The following IQSEC3 variants were observed in gnomAD, a reference collection of about 807,000 sequenced individuals.
IQSEC3 encodes IQ motif and Sec7 domain ArfGEF 3, also known as IQ motif and SEC7 domain-containing protein 3.
Under a neutral mutation model 105.4 loss-of-function variants are expected in IQSEC3, and 50 were observed. That is an observed-to-expected ratio of 0.47 (90% CI 0.38 to 0.60). IQSEC3 has a LOEUF of 0.60. Among genes scored for constraint, IQSEC3 ranks in the 20% least tolerant of loss-of-function variants. The pLI is 0.00. For missense variants in IQSEC3, 1,415 were observed against 1,630.0 expected, an observed-to-expected ratio of 0.87 and a Z score of 2.27; for synonymous variants, 708 against 746.0, an observed-to-expected ratio of 0.95 and a Z score of 0.83.
chr12:166,026 C>A, intron 11 of IQSEC3, 136 bp downstream of exon 11: 2 of 878,850 alleles, frequency 2.3e-6, no homozygotes, highest in Non-Finnish European at 3.4e-6. Flanking sequence ...CCCCACCGCA[C>A]CACACTCCCA....
In IQSEC3 at chr12:178,112, C is replaced by G. The variant is rs1341525336; in HGVS notation, c.*3079C>G. 1 of 152,288 alleles carries G rather than the reference C, an allele frequency of 6.6e-6. No homozygotes were observed. Among genetic ancestry groups the G allele is most frequent in the Admixed American group, 6.5e-5 (1 of 15,282 alleles). The allele number at this position is 152,288 out of a possible 1,614,324, so 9.4% of individuals were successfully genotyped here. The stretch of plus-strand genomic sequence containing the variant: ...ACCAGCAGCGTGTCCTGGAAGCCTG[C>G]CTGCCTGCCTGCCCGTCTGCACAGG... On this transcript the variant is annotated 3_prime_UTR_variant, in exon 14 of 14. Coordinates refer to ENST00000538872, the MANE Select transcript of IQSEC3 (RefSeq NM_001170738.2).
At chr12:169,135 TC>T in intron 12 of IQSEC3, 30 bp downstream of exon 12, 1 of 1,598,040 alleles carries the variant, frequency 6.3e-7, no homozygotes. Context: ...AGGGCACCAG[TC>T]CCCATGGAGG....
intron 2 of IQSEC3, among the ~76,000 whole-genome samples, chr12:103,475 AGGAGGGGAGGCGGGGCTCGG>A (rs1864498655): frequency 2.4e-4 from 1 of 4,146 alleles, no homozygotes; most frequent in Non-Finnish European, 4.3e-4. Flanking sequence ...GGCGGGGCTC[AGGAGGGGAGGCGGGGCTCGG>A]GGGGTAGGTG....
rs1468593125 is a variant in IQSEC3, at chr12:99,182, C to T, written c.591C>T (p.Ala197=). The T allele has an allele frequency of 3.8e-6, 6 of 1,598,920 alleles. No individual in the cohort carries two copies. Among genetic ancestry groups the T allele is most frequent in the South Asian group, 1.1e-5 (1 of 90,970 alleles). The change falls in exon 2 of 14, where the codon GCC becomes GCT. Residue 197 remains alanine (A), a synonymous_variant. Transcript: ENST00000538872. ...ETVLHQFCCP[A]ADACSDLASQ... ...TGCTGCACCAGTTCTGCTGCCCAGC[C>T]GCCGACGCCTGCTCCGACCTGGCCT...
At chr12:142,799 C>A (rs554020063) in intron 5 of IQSEC3, among the ~76,000 whole-genome samples, 1 of 152,206 alleles carries the variant, frequency 6.6e-6, no homozygotes, top group African/African-American at 2.4e-5. Context: ...ATGGCATTTC[C>A]TCACGCCCTT....
At chr12:145,362 C>T (rs1390081380) in intron 5 of IQSEC3, among the ~76,000 whole-genome samples, 1 of 152,182 alleles carries the variant, frequency 6.6e-6, no homozygotes, top group Admixed American at 6.5e-5. Flanking sequence ...GCAACTTGAA[C>T]TCCCGGGCCC....
intron 3 of IQSEC3, among the ~76,000 whole-genome samples, chr12:135,154 A>G (rs1555086028): frequency 6.6e-6 from 1 of 152,198 alleles, no homozygotes; most frequent in Non-Finnish European, 1.5e-5. Context: ...GAAATGTGAA[A>G]TCTGTCAGTT....
chr12:159,275 C>G (rs914855972), intron 7 of IQSEC3, among the ~76,000 whole-genome samples: 3 of 152,184 alleles, frequency 2.0e-5, no homozygotes, highest in Non-Finnish European at 4.4e-5. Context: ...GGAGGTGGTG[C>G]GGGAGAGTCA....
At chr12:92,436 G>A (rs1555073725) in intron 1 of IQSEC3, among the ~76,000 whole-genome samples, 2 of 151,550 alleles carry the variant, frequency 1.3e-5, no homozygotes, top group African/African-American at 4.9e-5. Flanking sequence ...GTGTGTCACA[G>A]GGGCTCTGAG....
intron 3 of IQSEC3, 62 bp downstream of exon 3, chr12:125,974 CGA>C (rs1486896466): frequency 1.5e-5 from 22 of 1,470,904 alleles, no homozygotes; most frequent in Admixed American, 2.1e-5. Context: ...TGGGGGCTGT[CGA>C]GGGTACCAGG....
intron 1 of IQSEC3, among the ~76,000 whole-genome samples, chr12:85,978 A>G (rs1555071987): frequency 6.6e-6 from 1 of 152,082 alleles, no homozygotes; most frequent in Non-Finnish European, 1.5e-5. Context: ...CAGTCAACAA[A>G]CCATTTCTGC....
intron 1 of IQSEC3, among the ~76,000 whole-genome samples, chr12:84,511 T>C (rs1487185064): frequency 6.6e-6 from 1 of 152,220 alleles, no homozygotes; most frequent in Non-Finnish European, 1.5e-5. Context: ...TGTGCACACA[T>C]GTGCAGGATG....
intron 1 of IQSEC3, among the ~76,000 whole-genome samples, chr12:77,996 G>A (rs1160965182): frequency 2.0e-5 from 3 of 151,416 alleles, no homozygotes; most frequent in Non-Finnish European, 3.0e-5. Flanking sequence ...GGGGGCGGCG[G>A]CGAGGACCTG....
chr12:143,704 T>C (rs1365992362), intron 5 of IQSEC3: 3 of 168,958 alleles, frequency 1.8e-5, no homozygotes, highest in Admixed American at 6.5e-5. Context: ...GTGCCAGGGT[T>C]CATGCAGGGC....
rs1466581216 is a variant in IQSEC3, at chr12:163,593, G to C, written c.2683G>C (p.Val895Leu). 2.6e-6 allele frequency: 4 copies of C among 1,563,842 alleles called. No homozygotes were observed. The highest frequency in any genetic ancestry group is 2.2e-5 in the East Asian group (1 of 44,628). ...LQKQAAHQRE[V>L]FLFNDLLVIL... ...GAAGCAGGCAGCGCATCAGAGGGAG[G>C]TGTTCCTCTTCAATGACCTGCTGGT... Residue 895 changes from valine to leucine, a missense_variant, in exon 9 of 14, where the codon GTG becomes CTG. Physicochemically the swap from Val to Leu is conservative, Grantham distance 32. Transcript: ENST00000538872.
At chr12:157,193 G>C (rs782053715) in intron 6 of IQSEC3, 46 bp downstream of exon 6, 6 of 1,486,284 alleles carry the variant, frequency 4.0e-6, no homozygotes, top group East Asian at 2.5e-5. Flanking sequence ...CCCAGCGTGG[G>C]GAAGCCGGGC....
At chr12:140,974 C>T in intron 4 of IQSEC3, 150 bp from the exon 5 acceptor site, 1 of 733,206 alleles carries the variant, frequency 1.4e-6, no homozygotes, top group Non-Finnish European at 2.3e-6. Flanking sequence ...TGAGGACATT[C>T]AGTGGGTTGA....
chr12:111,076 G>T (rs1353575401), intron 2 of IQSEC3, among the ~76,000 whole-genome samples: 1 of 152,190 alleles, frequency 6.6e-6, no homozygotes, highest in Admixed American at 6.5e-5. Context: ...GTATGGGGGG[G>T]CAAGCGTGTT....
At chr12:79,206 T>C (rs1338296995) in intron 1 of IQSEC3, among the ~76,000 whole-genome samples, 1 of 141,112 alleles carries the variant, frequency 7.1e-6, no homozygotes, top group Non-Finnish European at 1.6e-5. Context: ...CAGACCAGCT[T>C]TGGGCACAGG....
Sources: gnomAD v4.1 joint callset for allele counts (sites outside exome capture counted in the v4.1 genomes callset) on GRCh38, gnomAD v4.1.1 for gene constraint, MANE v1.5 for transcripts, NCBI Gene and HGNC (gene_info 2026-07-23, HGNC 2026-07-21) for gene names.